NUSAP1: variants seen among roughly 807,000 people sequenced by gnomAD.
NUSAP1 encodes nucleolar and spindle associated protein 1, also known as nucleolar and spindle-associated protein 1.
In NUSAP1, 32 loss-of-function variants were observed where a neutral mutation model predicts 52.8. That is an observed-to-expected ratio of 0.61 (90% CI 0.46 to 0.81). NUSAP1 has a LOEUF of 0.81. Ranked by LOEUF, NUSAP1 falls within the 40% of genes least tolerant of loss-of-function variation. The pLI is 0.00. For missense variants in NUSAP1, 499 were observed against 522.3 expected, an observed-to-expected ratio of 0.96 and a Z score of 0.43; for synonymous variants, 195 against 183.1, an observed-to-expected ratio of 1.06 and a Z score of -0.52.
chr15:41,363,499 TTAG>T (rs2049269774), intron 6 of NUSAP1, among the ~76,000 whole-genome samples: 1 of 151,928 alleles, frequency 6.6e-6, no homozygotes, highest in Non-Finnish European at 1.5e-5. Context: ...CTCAGCCTCC[TTAG>T]TAGCTGGGAC....
At chr15:41,333,210 T>C (rs1051124959) in intron 1 of NUSAP1, among the ~76,000 whole-genome samples, 160 bp downstream of exon 1, 1 of 152,188 alleles carries the variant, frequency 6.6e-6, no homozygotes, top group Admixed American at 6.5e-5. Context: ...GTTAGAACTC[T>C]GATAAACGGA....
intron 6 of NUSAP1, among the ~76,000 whole-genome samples, chr15:41,361,193 A>T (rs2140730153): frequency 6.6e-6 from 1 of 152,100 alleles, no homozygotes; most frequent in South Asian, 2.1e-4. Flanking sequence ...CAGGGGTTTG[A>T]GACCAGCCTG....
At chr15:41,373,602 A>G (rs1186643052) in intron 8 of NUSAP1, among the ~76,000 whole-genome samples, 2 of 151,534 alleles carry the variant, frequency 1.3e-5, no homozygotes, top group Non-Finnish European at 2.9e-5. Context: ...AGTGCCCGCC[A>G]CCACGCCCGG....
At position 41,332,962 on chromosome 15, in the gene NUSAP1, T is replaced by C. The variant is rs1233196349; in HGVS notation, c.5T>C (p.Ile2Thr). 6.2e-7 allele frequency: 1 copy of C among 1,609,404 alleles called. No individual in the cohort carries two copies. The highest frequency in any genetic ancestry group is 8.5e-7 in the Non-Finnish European group (1 of 1,177,602). Residue 2 changes from isoleucine to threonine, a missense_variant, in exon 1 of 11, where the codon ATC becomes ACC. By Grantham distance (89) the Ile-to-Thr change is moderately conservative (BLOSUM62 -1). Transcript: ENST00000559596. Reference protein sequence around the residue: MIIPSLEELDSL... With the variant: MTIPSLEELDSL... Reference sequence around the variant, plus strand: ...TCGCCGGGATTTCGAATCGCGATGATCATCCCCTCTCTAGAGGAGCTGGAC... The same window carrying C: ...TCGCCGGGATTTCGAATCGCGATGACCATCCCCTCTCTAGAGGAGCTGGAC...
chr15:41,333,308 TTTTTGTTTTG>T (rs373696172), intron 1 of NUSAP1, among the ~76,000 whole-genome samples: 1 of 152,106 alleles, frequency 6.6e-6, no homozygotes, highest in African/African-American at 2.4e-5. Context: ...GGTTTATTGT[TTTTTGTTTTG>T]TTTTGTTTTG....
chr15:41,348,407 A>G (rs987346393), intron 2 of NUSAP1, among the ~76,000 whole-genome samples: 2 of 151,942 alleles, frequency 1.3e-5, no homozygotes, highest in Non-Finnish European at 2.9e-5. Context: ...TTAAGTAGAG[A>G]TGGGGTTTTG....
chr15:41,334,690 CT>C (rs1454488332), intron 1 of NUSAP1, among the ~76,000 whole-genome samples: 1 of 124,038 alleles, frequency 8.1e-6, no homozygotes, highest in African/African-American at 3.2e-5. Flanking sequence ...CTTCTTTCTC[CT>C]TTATCTGCCT....
At chr15:41,376,989 T>A (rs578160088) in intron 9 of NUSAP1, among the ~76,000 whole-genome samples, 1 of 151,696 alleles carries the variant, frequency 6.6e-6, no homozygotes, top group East Asian at 2.0e-4. Flanking sequence ...ATTGGGAGGA[T>A]CACTTGAGCC....
At chr15:41,375,027 C>G (rs1056685884) in intron 8 of NUSAP1, among the ~76,000 whole-genome samples, 6 of 140,554 alleles carry the variant, frequency 4.3e-5, no homozygotes, top group Non-Finnish European at 6.2e-5. Context: ...TTTTCCCTCT[C>G]TGAGATGGAG....
At chr15:41,363,582 A>C (rs1008971669) in intron 6 of NUSAP1, among the ~76,000 whole-genome samples, 3 of 152,052 alleles carry the variant, frequency 2.0e-5, no homozygotes, top group Non-Finnish European at 4.4e-5. Flanking sequence ...TATGTTGTCC[A>C]GGCTGGTCTC....
At chr15:41,375,610 CT>C (rs2049896218) in intron 8 of NUSAP1, 101 bp from the exon 9 acceptor site, 5 of 797,372 alleles carry the variant, frequency 6.3e-6, no homozygotes, top group Non-Finnish European at 8.5e-6. Flanking sequence ...CATGCCCAGC[CT>C]ATAACGTGTA....
At chr15:41,367,780 C>T (rs1484780532) in intron 7 of NUSAP1, among the ~76,000 whole-genome samples, 1 of 152,126 alleles carries the variant, frequency 6.6e-6, no homozygotes, top group East Asian at 1.9e-4. Context: ...AACAGGAATC[C>T]CCTCCTGACT....
intron 7 of NUSAP1, among the ~76,000 whole-genome samples, chr15:41,368,672 A>G (rs2049521077): frequency 6.6e-6 from 1 of 151,512 alleles, no homozygotes; most frequent in Admixed American, 6.6e-5. Context: ...CTGGTGCATG[A>G]CAGCCCTTCT....
In NUSAP1 at chr15:41,381,020, CATAA is replaced by C. The variant is rs2050186142; in HGVS notation, c.*840_*843del. The stretch of plus-strand genomic sequence containing the variant: ...TGAGTTTTATACTGCTCAAGATCGT[CATAA>C]ATAAAATTTTTTCTCATTGTCATAG... On this transcript the variant is annotated 3_prime_UTR_variant, in exon 11 of 11. Transcript: ENST00000559596. 1 of 152,190 alleles carries C rather than the reference CATAA, an allele frequency of 6.6e-6. No homozygotes were observed. The highest frequency in any genetic ancestry group is 2.4e-5 in the African/African-American group (1 of 41,436). 9.4% of individuals were successfully genotyped at this position (152,190 alleles called of 1,614,324 possible).
At chr15:41,345,992 A>C (rs1450594641) in intron 2 of NUSAP1, among the ~76,000 whole-genome samples, 1 of 150,782 alleles carries the variant, frequency 6.6e-6, no homozygotes, top group African/African-American at 2.4e-5. Flanking sequence ...ACTTGGAACT[A>C]TTCCACTTCT....
chr15:41,342,561 G>A, intron 2 of NUSAP1, 107 bp downstream of exon 2: 1 of 878,678 alleles, frequency 1.1e-6, no homozygotes, highest in Non-Finnish European at 1.8e-6. Flanking sequence ...CTGTTGGCCA[G>A]GTGTTGTGGC....
At chr15:41,379,990 G>A (rs1039731182) in intron 10 of NUSAP1, 103 bp from the exon 11 acceptor site, 1 of 747,618 alleles carries the variant, frequency 1.3e-6, no homozygotes, top group South Asian at 1.7e-5. Context: ...AAGTATGCTG[G>A]ATGTCATTGC....
chr15:41,346,678 T>C (rs1426304343), intron 2 of NUSAP1, among the ~76,000 whole-genome samples: 1 of 150,860 alleles, frequency 6.6e-6, no homozygotes, highest in African/African-American at 2.4e-5. Flanking sequence ...AATACAAAAA[T>C]TAGCCGGGTG....
At chr15:41,337,304 A>C (rs7180418) in intron 1 of NUSAP1, among the ~76,000 whole-genome samples, 57,799 of 151,812 alleles carry the variant, frequency 0.38, 12,090 homozygotes, top group African/African-American at 0.57. Context: ...CAGGCGTGAG[A>C]CCCTAGGCTT....
Sources: gnomAD v4.1 joint callset for allele counts (sites outside exome capture counted in the v4.1 genomes callset) on GRCh38, gnomAD v4.1.1 for gene constraint, MANE v1.5 for transcripts, NCBI Gene and HGNC (gene_info 2026-07-23, HGNC 2026-07-21) for gene names.